The following NOS1AP variants were observed in gnomAD, a reference collection of about 807,000 sequenced individuals.
The protein encoded by NOS1AP is nitric oxide synthase 1 adaptor protein, also known as carboxyl-terminal PDZ ligand of neuronal nitric oxide synthase protein.
NOS1AP carries 21 observed loss-of-function variants against 56.2 expected under a neutral mutation model. That is an observed-to-expected ratio of 0.37 (90% CI 0.26 to 0.54). The LOEUF (loss-of-function observed/expected upper bound fraction) is 0.54, where lower values mean the gene tolerates loss of function less well. Ranked by LOEUF, NOS1AP falls within the 20% of genes least tolerant of loss-of-function variation. The probability of loss-of-function intolerance (pLI) is 0.84; values close to 1 mark genes in which losing one functional copy is unlikely to be tolerated. For synonymous variants in NOS1AP, 270 were observed against 274.6 expected (o/e 0.98, Z 0.17); for missense variants, 522 against 657.8 (o/e 0.79, Z 2.26).
At chr1:162,266,653 T>C (rs930287611) in intron 2 of NOS1AP, among the ~76,000 whole-genome samples, 2 of 152,336 alleles carry the variant, frequency 1.3e-5, no homozygotes, top group African/African-American at 4.8e-5. Context: ...TTTGGTGTTA[T>C]TGTTGAAAGC....
At chr1:162,289,388 C>T (rs945777037) in intron 3 of NOS1AP, among the ~76,000 whole-genome samples, 15 of 151,758 alleles carry the variant, frequency 9.9e-5, no homozygotes, top group Admixed American at 3.9e-4. Context: ...ACCTCCACCC[C>T]CTGAGTTCAA....
At chr1:162,260,648 G>T (rs1041208112) in intron 2 of NOS1AP, among the ~76,000 whole-genome samples, 1 of 152,030 alleles carries the variant, frequency 6.6e-6, no homozygotes, top group Non-Finnish European at 1.5e-5. Context: ...ATGTGGTCCC[G>T]CCCAAAGAGG....
At chr1:162,179,375 T>G (rs2102143449) in intron 2 of NOS1AP, among the ~76,000 whole-genome samples, 1 of 152,240 alleles carries the variant, frequency 6.6e-6, no homozygotes, top group South Asian at 2.1e-4. Flanking sequence ...AAATGCAGGC[T>G]GTGGGGTTTT....
At chr1:162,088,764 C>T (rs959633448) in intron 1 of NOS1AP, among the ~76,000 whole-genome samples, 4 of 152,124 alleles carry the variant, frequency 2.6e-5, no homozygotes, top group African/African-American at 7.2e-5. Context: ...GTCTGTAGGT[C>T]AAAGGCCTCC....
intron 1 of NOS1AP, among the ~76,000 whole-genome samples, chr1:162,085,617 T>G (rs984466041): frequency 2.6e-5 from 4 of 152,158 alleles, no homozygotes; most frequent in African/African-American, 9.7e-5. Context: ...CGAGTCTGAC[T>G]CCTGTTCCCT....
At chr1:162,183,031 A>G (rs538984988) in intron 2 of NOS1AP, among the ~76,000 whole-genome samples, 6 of 152,344 alleles carry the variant, frequency 3.9e-5, no homozygotes, top group African/African-American at 1.4e-4. Context: ...GGTCCTTCAG[A>G]GGAGTCACTA....
At chr1:162,199,318 G>A (rs914559351) in intron 2 of NOS1AP, among the ~76,000 whole-genome samples, 3 of 152,212 alleles carry the variant, frequency 2.0e-5, no homozygotes, top group African/African-American at 7.2e-5. Context: ...CTGCTCCGCT[G>A]CTGCATGCCG....
chr1:162,070,333 T>G, intron 1 of NOS1AP, 51 bp downstream of exon 1: 1 of 1,479,688 alleles, frequency 6.8e-7, no homozygotes, highest in South Asian at 1.1e-5. Flanking sequence ...TGGGGGGGCA[T>G]GTTTGAGCGG....
chr1:162,288,714 G>A (rs1655166371), intron 3 of NOS1AP, among the ~76,000 whole-genome samples: 1 of 152,154 alleles, frequency 6.6e-6, no homozygotes, highest in Non-Finnish European at 1.5e-5. Flanking sequence ...GGTGGTTTTA[G>A]AAAGTGTTTT....
At chr1:162,314,516 T>C (rs1009400989) in intron 4 of NOS1AP, among the ~76,000 whole-genome samples, 1 of 152,220 alleles carries the variant, frequency 6.6e-6, no homozygotes, top group African/African-American at 2.4e-5. Context: ...TTCTTAAATG[T>C]GTAAAGGGAA....
intron 1 of NOS1AP, among the ~76,000 whole-genome samples, chr1:162,142,742 A>G (rs1649290014): frequency 6.6e-6 from 1 of 152,190 alleles, no homozygotes; most frequent in Non-Finnish European, 1.5e-5. Flanking sequence ...AAGGTGTAGT[A>G]TTAATAGTAG....
chr1:162,352,966 C>T (rs1657569961), intron 6 of NOS1AP, among the ~76,000 whole-genome samples: 2 of 152,052 alleles, frequency 1.3e-5, no homozygotes, highest in Admixed American at 1.3e-4. Context: ...TGGATTTTTC[C>T]TATAGGATGC....
intron 2 of NOS1AP, among the ~76,000 whole-genome samples, chr1:162,228,422 G>A (rs767433856): frequency 3.9e-5 from 6 of 152,224 alleles, no homozygotes; most frequent in Non-Finnish European, 5.9e-5. Context: ...TGTGCCATCA[G>A]ATGCCACTTT....
chr1:162,286,230 G>C (rs1420311342), intron 2 of NOS1AP, among the ~76,000 whole-genome samples: 2 of 152,196 alleles, frequency 1.3e-5, no homozygotes, highest in African/African-American at 4.8e-5. Context: ...GCTAACTGTA[G>C]AAATAATTAG....
chr1:162,164,942 T>C (rs1322837885), intron 2 of NOS1AP, among the ~76,000 whole-genome samples: 6 of 152,218 alleles, frequency 3.9e-5, no homozygotes, highest in Non-Finnish European at 8.8e-5. Context: ...TGAATTTTCA[T>C]ATCCACTGTC....
At chr1:162,204,745 A>T (rs1652108113) in intron 2 of NOS1AP, among the ~76,000 whole-genome samples, 1 of 152,242 alleles carries the variant, frequency 6.6e-6, no homozygotes, top group African/African-American at 2.4e-5. Flanking sequence ...AGAAATGTGT[A>T]TGTCTAGCTT....
chr1:162,132,404 A>G (rs1479993089), intron 1 of NOS1AP, among the ~76,000 whole-genome samples: 1 of 152,228 alleles, frequency 6.6e-6, no homozygotes, highest in Non-Finnish European at 1.5e-5. Flanking sequence ...CTAGTATGTA[A>G]AATAATTTTC....
intron 2 of NOS1AP, among the ~76,000 whole-genome samples, chr1:162,264,731 T>G (rs2101710954): frequency 6.6e-6 from 1 of 150,892 alleles, no homozygotes; most frequent in Non-Finnish European, 1.5e-5. Context: ...GGTCTCGAAC[T>G]CCTGACCTCA....
At chr1:162,252,910 A>G (rs766385551) in intron 2 of NOS1AP, among the ~76,000 whole-genome samples, 7 of 152,204 alleles carry the variant, frequency 4.6e-5, no homozygotes, top group Non-Finnish European at 8.8e-5. Context: ...GGTATAGAAT[A>G]TTTCCATTAT....
Sources: allele counts gnomAD v4.1 joint callset (sites outside exome capture counted in the v4.1 genomes callset), GRCh38; gene constraint gnomAD v4.1.1; transcripts MANE v1.5; gene names NCBI Gene and HGNC (gene_info 2026-07-23, HGNC 2026-07-21).